Variants in IL19 observed in about 807,000 individuals in gnomAD.
IL19 encodes interleukin 19, also known as interleukin-19.
In IL19, 15 loss-of-function variants were observed where a neutral mutation model predicts 19.5. The observed-to-expected ratio is 0.77, with a 90% confidence interval of 0.52 to 1.19. The LOEUF is 1.19. Among genes scored for constraint, IL19 ranks in the 50% most tolerant of loss-of-function variants. The pLI is 0.00. For missense variants in IL19, 199 were observed against 213.1 expected (o/e 0.93, Z 0.41); for synonymous variants, 78 against 78.3 (o/e 1.00, Z 0.02).
intron 1 of IL19, 36 bp downstream of exon 1, chr1:206,771,114 G>A: frequency 6.3e-7 from 1 of 1,586,976 alleles, no homozygotes; most frequent in Non-Finnish European, 8.6e-7. Flanking sequence ...CTGGGAGGAG[G>A]GGCTGCTGCA....
At chr1:206,791,183 G>A (rs1675393813) in intron 1 of IL19, among the ~76,000 whole-genome samples, 1 of 152,136 alleles carries the variant, frequency 6.6e-6, no homozygotes, top group African/African-American at 2.4e-5. Flanking sequence ...ATTGTTTCAA[G>A]GGACAACTGT....
chr1:206,781,863 ATATAGTTATATATACATATATATG>A (rs1675141324), intron 1 of IL19, among the ~76,000 whole-genome samples: 9 of 139,176 alleles, frequency 6.5e-5, no homozygotes, highest in Non-Finnish European at 1.1e-4. Flanking sequence ...ATATATATGT[ATATAGTTATATATACATATATATG>A]TATATAGTTA....
intron 2 of IL19, among the ~76,000 whole-genome samples, chr1:206,811,519 G>A (rs1676011662): frequency 6.6e-6 from 1 of 151,456 alleles, no homozygotes; most frequent in South Asian, 2.1e-4. Context: ...ACCTAGGCCA[G>A]TTCCAGACTT....
intron 4 of IL19, 131 bp downstream of exon 4, chr1:206,837,154 C>G (rs1039374440): frequency 1.4e-6 from 1 of 724,530 alleles, no homozygotes; most frequent in East Asian, 2.6e-5. Flanking sequence ...CACCAGGCTT[C>G]TTTGTCAGAT....
intron 1 of IL19, among the ~76,000 whole-genome samples, chr1:206,774,912 T>G (rs1674954647): frequency 6.6e-6 from 1 of 152,018 alleles, no homozygotes; most frequent in Admixed American, 6.5e-5. Context: ...TTCAATTTCC[T>G]TATATGAGAT....
chr1:206,803,595 G>A (rs11119594), intron 2 of IL19, among the ~76,000 whole-genome samples: 24 of 152,304 alleles, frequency 1.6e-4, no homozygotes, highest in African/African-American at 5.8e-4. Context: ...ATCCTACAGA[G>A]CATGGCTGGA....
At chr1:206,826,025 C>T (rs1676426966) in intron 2 of IL19, among the ~76,000 whole-genome samples, 1 of 152,176 alleles carries the variant, frequency 6.6e-6, no homozygotes, top group Non-Finnish European at 1.5e-5. Context: ...CTGCTTGGGA[C>T]ACACGGTCTC....
intron 1 of IL19, among the ~76,000 whole-genome samples, chr1:206,781,167 C>G (rs1675118223): frequency 6.6e-6 from 1 of 151,828 alleles, no homozygotes; most frequent in Non-Finnish European, 1.5e-5. Context: ...GGAGAGGGGC[C>G]AGGCGCGGTG....
chr1:206,791,447 C>T (rs1400100206), intron 1 of IL19, among the ~76,000 whole-genome samples: 5 of 152,064 alleles, frequency 3.3e-5, no homozygotes, highest in Non-Finnish European at 5.9e-5. Context: ...GGATCACAGG[C>T]GCCGGCCATC....
At chr1:206,825,321 A>C (rs1676401415) in intron 2 of IL19, among the ~76,000 whole-genome samples, 1 of 152,214 alleles carries the variant, frequency 6.6e-6, no homozygotes, top group African/African-American at 2.4e-5. Flanking sequence ...AATGTGCTTA[A>C]TTGTTACTGT....
intron 1 of IL19, among the ~76,000 whole-genome samples, chr1:206,787,016 C>A (rs549368776): frequency 2.1e-4 from 32 of 152,312 alleles, no homozygotes; most frequent in African/African-American, 7.7e-4. Context: ...CAGAACACAG[C>A]CCAACCTAGC....
chr1:206,803,951 G>T (rs1675779694), intron 2 of IL19, among the ~76,000 whole-genome samples: 1 of 152,206 alleles, frequency 6.6e-6, no homozygotes. Context: ...CACTTGGAAA[G>T]CACTCCAGCA....
Position 206,771,444 on chromosome 1 carries a change from T to G in IL19, c.-149+366T>G, listed in dbSNP as rs1488200570. ...CAGGAAGAACAAAAGGAGAATGAAC[T>G]TGAGGTTTGGGGAAATAACTGAAAT... On this transcript the variant is annotated intron_variant, in intron 1 of 6. Transcript: ENST00000659997. The G allele has an allele frequency of 1.9e-6, 3 of 1,573,292 alleles. No individual in the cohort carries two copies. The African/African-American group carries it at 4.1e-5, about 21-fold the overall frequency.
At chr1:206,842,406 T>G (rs1393904150) in intron 6 of IL19, 121 bp from the exon 7 acceptor site, 1 of 619,400 alleles carries the variant, frequency 1.6e-6, no homozygotes, top group African/African-American at 1.9e-5. Flanking sequence ...GCAAATATAT[T>G]TCGTGACAAA....
chr1:206,806,263 TATC>T (rs549892448), intron 2 of IL19, among the ~76,000 whole-genome samples: 3 of 152,180 alleles, frequency 2.0e-5, no homozygotes, highest in South Asian at 4.1e-4. Flanking sequence ...ATAAGGGAAA[TATC>T]ATTTCCCAGA....
intron 2 of IL19, among the ~76,000 whole-genome samples, chr1:206,823,499 G>C (rs1046763682): frequency 2.6e-5 from 4 of 151,470 alleles, no homozygotes; most frequent in Non-Finnish European, 4.4e-5. Context: ...AGATTGCAGT[G>C]AGCCGAGATC....
At chr1:206,828,738 G>A (rs1676505437) in intron 2 of IL19, 1 of 152,088 alleles carries the variant, frequency 6.6e-6, no homozygotes. Flanking sequence ...GGTGTTTGTG[G>A]TATTTGTTAG....
intron 1 of IL19, among the ~76,000 whole-genome samples, chr1:206,774,319 T>C (rs906633537): frequency 6.6e-6 from 1 of 152,202 alleles, no homozygotes; most frequent in South Asian, 2.1e-4. Flanking sequence ...TGGAGCTAAC[T>C]CAGAACTTAC....
Position 206,839,628 on chromosome 1 carries a change from G to C in IL19, c.211-222G>C, listed in dbSNP as rs149678929. On this transcript the variant is annotated intron_variant, in intron 4 of 6. Transcript: ENST00000659997. ...CCATCCTTAGTAAATGTATTTCTCG[G>C]CCATACAGAAAAAGGGGAGAACTGG... Among the ~76,000 whole-genome samples, 10 of 152,218 alleles carry C rather than the reference G, an allele frequency of 6.6e-5. No homozygotes were observed. In the East Asian group the frequency reaches 1.9e-3, roughly 29 times the overall value.
Sources: allele counts gnomAD v4.1 joint callset (sites outside exome capture counted in the v4.1 genomes callset), GRCh38; gene constraint gnomAD v4.1.1; transcripts MANE v1.5; gene names NCBI Gene and HGNC (gene_info 2026-07-23, HGNC 2026-07-21).